DDX60L: variants seen among roughly 807,000 people sequenced by gnomAD.
DDX60L encodes DExD/H-box 60 like.
DDX60L carries 191 observed loss-of-function variants against 211.6 expected under a neutral mutation model. The observed-to-expected ratio is 0.90, with a 90% CI of 0.80 to 1.02. DDX60L has a LOEUF of 1.02. Ranked by LOEUF, DDX60L falls within the 50% of genes least tolerant of loss-of-function variation. The pLI, the probability that DDX60L is intolerant of heterozygous loss-of-function variation, is 0.00. For synonymous variants in DDX60L, 706 were observed against 694.1 expected, an observed-to-expected ratio of 1.02 and a Z score of -0.27; for missense variants, 2,007 against 1,984.1, an observed-to-expected ratio of 1.01 and a Z score of -0.22.
chr4:168,381,216 G>A (rs1393795932), intron 30 of DDX60L, among the ~76,000 whole-genome samples: 4 of 152,184 alleles, frequency 2.6e-5, no homozygotes, highest in Non-Finnish European at 4.4e-5. Context: ...CAAGCAGCCT[G>A]CATGTATTTG....
Position 168,373,736 on chromosome 4 carries a change from G to A in DDX60L, c.4706C>T (p.Ala1569Val), listed in dbSNP as rs769704582. ...CGAAAGACAAACAAATGGTGAAATG[G>A]CTACTCTTCCTTTCTTGCAGCTCAT... Reference protein sequence around the residue: ...HLMSCKKGRVAISPFVCLSGN... With the variant: ...HLMSCKKGRVVISPFVCLSGN... The change falls in exon 35 of 38, where the codon GCC becomes GTC. Residue 1569 changes from alanine to valine, a missense_variant. By Grantham distance (64) the Ala-to-Val change is moderately conservative. Coordinates refer to ENST00000682922, the MANE Select transcript of DDX60L (RefSeq NM_001012967.3). 4 of 1,613,770 alleles carry A rather than the reference G, an allele frequency of 2.5e-6. No individual in the cohort carries two copies. The highest frequency in any genetic ancestry group is 1.7e-5 in the Admixed American group (1 of 59,990).
In DDX60L at chr4:168,471,035, G is replaced by A. The variant is rs577270162; in HGVS notation, c.264+712C>T. Reference sequence around the variant, plus strand: ...CAATGTACTGGTAAATACTATGCACGTGCCAAAGATCGTTAAATGGCATTA... The same window carrying A: ...CAATGTACTGGTAAATACTATGCACATGCCAAAGATCGTTAAATGGCATTA... On this transcript the variant is annotated intron_variant, in intron 4 of 37. Transcript: ENST00000682922. Among the ~76,000 whole-genome samples, 6 of 152,222 alleles carry A rather than the reference G, an allele frequency of 3.9e-5. No individual in the cohort carries two copies. In the South Asian group the frequency reaches 1.0e-3, roughly 26 times the overall value.
In DDX60L at chr4:168,419,333, A is replaced by T; in HGVS notation, c.2579T>A (p.Val860Glu). The T allele has an allele frequency of 6.3e-7, 1 of 1,598,822 alleles. No homozygotes were observed. The highest frequency in any genetic ancestry group is 8.5e-7 in the Non-Finnish European group (1 of 1,171,614). Reference sequence around the variant, plus strand: ...AAATATAACATATCTGATCCTTTCCACCCATTTTTGGCGATGAGGAGCAAG... The same window carrying T: ...AAATATAACATATCTGATCCTTTCCTCCCATTTTTGGCGATGAGGAGCAAG... ...LLLAPHRQKW[V>E]ERIRYVIFDE... Residue 860 changes from valine to glutamate, a missense_variant, in exon 19 of 38, where the codon GTG becomes GAG. Val to Glu is a moderately radical substitution (Grantham distance 121, BLOSUM62 -2). Coordinates refer to ENST00000682922, the MANE Select transcript of DDX60L (RefSeq NM_001012967.3).
chr4:168,422,046 T>A, intron 16 of DDX60L, 137 bp from the exon 17 acceptor site: 3 of 1,036,950 alleles, frequency 2.9e-6, no homozygotes, highest in Non-Finnish European at 4.2e-6. Flanking sequence ...CCCCTGAAGA[T>A]TAGGTCTGGT....
At chr4:168,472,035 T>C in intron 3 of DDX60L, 99 bp from the exon 4 acceptor site, 1 of 916,712 alleles carries the variant, frequency 1.1e-6, no homozygotes. Context: ...GTTTGTTGAG[T>C]ACCTCATGCC....
At chr4:168,391,759 T>C in intron 28 of DDX60L, 115 bp from the exon 29 acceptor site, 1 of 526,542 alleles carries the variant, frequency 1.9e-6, no homozygotes, top group South Asian at 3.0e-5. Flanking sequence ...AAACCACATG[T>C]CATTAAAACT....
At chr4:168,455,915 A>C in intron 7 of DDX60L, 124 bp downstream of exon 7, 1 of 630,606 alleles carries the variant, frequency 1.6e-6, no homozygotes. Flanking sequence ...CCTAATGAAG[A>C]AAATGGCGGT....
intron 7 of DDX60L, among the ~76,000 whole-genome samples, chr4:168,453,870 T>C (rs1274947503): frequency 1.3e-5 from 2 of 152,158 alleles, no homozygotes; most frequent in African/African-American, 4.8e-5. Context: ...AATATGTTCA[T>C]TTTTTTAAAT....
chr4:168,422,974 T>C (rs1228026291), intron 15 of DDX60L, among the ~76,000 whole-genome samples: 2 of 142,028 alleles, frequency 1.4e-5, no homozygotes, highest in Non-Finnish European at 3.0e-5. Flanking sequence ...TAATATTGTG[T>C]GTGTGTGTGT....
At position 168,379,782 on chromosome 4, in the gene DDX60L, C is replaced by T. The variant is rs764269076; in HGVS notation, c.4165G>A (p.Ala1389Thr). 1.2e-6 allele frequency: 2 copies of T among 1,613,158 alleles called. No homozygotes were observed. The highest frequency in any genetic ancestry group is 1.7e-6 in the Non-Finnish European group (2 of 1,179,490). ...AAGTAAAGTTTCAAAGTCTCCATGG[C>T]TCTTCGTCTCTTAAAAGACAGCAAT... is the stretch of plus-strand genomic sequence containing the variant. ...HSLLSFKRRR[A>T]METLKLYFLF... is the part of the protein sequence containing the mutation. The change falls in exon 31 of 38, where the codon GCC becomes ACC. Residue 1389 changes from alanine (A) to threonine (T), a missense_variant. By Grantham distance (58) the Ala-to-Thr change is moderately conservative (BLOSUM62 0). Coordinates refer to ENST00000682922, the MANE Select transcript of DDX60L (RefSeq NM_001012967.3).
chr4:168,411,723 G>A (rs1220200005), intron 22 of DDX60L, among the ~76,000 whole-genome samples: 1 of 152,090 alleles, frequency 6.6e-6, no homozygotes, highest in Non-Finnish European at 1.5e-5. Flanking sequence ...AGAGCCTATG[G>A]ACTTGGGGTG....
chr4:168,421,458 C>T (rs1321327022), intron 17 of DDX60L, among the ~76,000 whole-genome samples: 1 of 152,128 alleles, frequency 6.6e-6, no homozygotes, highest in African/African-American at 2.4e-5. Context: ...TGATCAAGAC[C>T]AGCCTAGCCA....
intron 29 of DDX60L, 111 bp from the exon 30 acceptor site, chr4:168,384,923 T>C: frequency 8.8e-7 from 1 of 1,136,732 alleles, no homozygotes; most frequent in Non-Finnish European, 1.3e-6. Context: ...AATTGTGTAT[T>C]TAGTCCTGAA....
intron 33 of DDX60L, among the ~76,000 whole-genome samples, chr4:168,377,018 T>A (rs1742073993): frequency 6.6e-6 from 1 of 152,148 alleles, no homozygotes; most frequent in Non-Finnish European, 1.5e-5. Context: ...GGGCTGGGCA[T>A]GGTGGCTCAT....
At chr4:168,387,447 C>A (rs1744099494) in intron 29 of DDX60L, among the ~76,000 whole-genome samples, 1 of 152,216 alleles carries the variant, frequency 6.6e-6, no homozygotes, top group Admixed American at 6.5e-5. Context: ...GAAAACAAGG[C>A]TGAGAACTTT....
intron 22 of DDX60L, among the ~76,000 whole-genome samples, chr4:168,411,141 T>C (rs1323975328): frequency 1.3e-5 from 2 of 152,184 alleles, no homozygotes; most frequent in Non-Finnish European, 2.9e-5. Flanking sequence ...TCCGTGTACC[T>C]GAGGTTAAGA....
chr4:168,451,186 C>G (rs953629311), intron 8 of DDX60L, among the ~76,000 whole-genome samples: 1 of 152,144 alleles, frequency 6.6e-6, no homozygotes, highest in Non-Finnish European at 1.5e-5. Flanking sequence ...GGACCCTGAA[C>G]CTAGATGTCC....
At chr4:168,443,374 A>G (rs1014029544) in intron 9 of DDX60L, among the ~76,000 whole-genome samples, 10 of 152,166 alleles carry the variant, frequency 6.6e-5, no homozygotes, top group Non-Finnish European at 1.3e-4. Flanking sequence ...ATATGGGACT[A>G]TGTGAAAAGA....
chr4:168,459,465 C>T (rs1757012680), intron 5 of DDX60L, among the ~76,000 whole-genome samples: 1 of 151,694 alleles, frequency 6.6e-6, no homozygotes, highest in African/African-American at 2.4e-5. Flanking sequence ...AAAATAAAGT[C>T]TAGAGGCCAG....
Sources: allele counts gnomAD v4.1 joint callset (sites outside exome capture counted in the v4.1 genomes callset), GRCh38; gene constraint gnomAD v4.1.1; transcripts MANE v1.5; gene names NCBI Gene and HGNC (gene_info 2026-07-23, HGNC 2026-07-21).